Variants in BIRC6 observed in about 807,000 individuals in gnomAD.
The protein encoded by BIRC6 is dual E2 ubiquitin-conjugating enzyme/E3 ubiquitin-protein ligase BIRC6.
BIRC6 carries 98 observed loss-of-function variants against 503.3 expected under a neutral mutation model. The observed-to-expected ratio is 0.19, with a 90% CI of 0.17 to 0.23. The LOEUF is 0.23. BIRC6 is among the 10% of genes least tolerant of loss of function. The pLI, the probability that BIRC6 is intolerant of heterozygous loss-of-function variation, is 1.00. For synonymous variants in BIRC6, 2,240 were observed against 2,078.7 expected (o/e 1.08, Z -2.11); for missense variants, 5,360 against 5,806.0 (o/e 0.92, Z 2.50).
At chr2:32,412,445 T>C (rs2041985329) in intron 9 of BIRC6, among the ~76,000 whole-genome samples, 1 of 151,740 alleles carries the variant, frequency 6.6e-6, no homozygotes, top group Admixed American at 6.6e-5. Context: ...TGCAATGAGC[T>C]GAGATTATGC....
At chr2:32,462,176 T>C (rs1311965072) in intron 23 of BIRC6, among the ~76,000 whole-genome samples, 2 of 152,160 alleles carry the variant, frequency 1.3e-5, no homozygotes, top group Non-Finnish European at 2.9e-5. Flanking sequence ...GCTATTCTTA[T>C]AGCAGTTATC....
intron 22 of BIRC6, among the ~76,000 whole-genome samples, chr2:32,451,349 A>C (rs1480884978): frequency 3.3e-5 from 5 of 152,130 alleles, no homozygotes. Flanking sequence ...ATAGACCCCC[A>C]AAGGGTTCCT....
chr2:32,460,358 T>C (rs112525105), intron 23 of BIRC6, among the ~76,000 whole-genome samples: 4,790 of 137,992 alleles, frequency 0.035, 128 homozygotes, highest in African/African-American at 0.076. Flanking sequence ...CTCACTGCAA[T>C]CTCCGCCTCC....
intron 66 of BIRC6, among the ~76,000 whole-genome samples, chr2:32,583,199 G>T (rs74598677): frequency 1.3e-5 from 2 of 152,168 alleles, no homozygotes; most frequent in Non-Finnish European, 2.9e-5. Context: ...TGGCAGCTAG[G>T]GGTGTTTAAT....
intron 5 of BIRC6, among the ~76,000 whole-genome samples, chr2:32,392,993 C>T (rs1037115298): frequency 6.6e-6 from 1 of 152,002 alleles, no homozygotes; most frequent in Non-Finnish European, 1.5e-5. Context: ...TGGTTTCTGA[C>T]AAGTATTCTC....
intron 22 of BIRC6, among the ~76,000 whole-genome samples, chr2:32,451,264 T>C (rs2046695775): frequency 6.6e-6 from 1 of 152,242 alleles, no homozygotes; most frequent in Admixed American, 6.5e-5. Context: ...TTTGGCTCTC[T>C]TTTCCTTGCC....
At chr2:32,395,639 A>AAAT in intron 6 of BIRC6, 46 bp downstream of exon 6, 10 of 1,464,220 alleles carry the variant, frequency 6.8e-6, no homozygotes, top group Non-Finnish European at 9.5e-6. Context: ...TCAGTCGTGT[A>AAAT]AATAATGCTT....
chr2:32,568,261 C>T (rs1279820693), intron 65 of BIRC6, among the ~76,000 whole-genome samples: 2 of 149,474 alleles, frequency 1.3e-5, no homozygotes, highest in East Asian at 3.9e-4. Context: ...GAGGCCAAGG[C>T]AGGTAGATTG....
Position 32,463,185 on chromosome 2 carries a change from T to G in BIRC6, c.4754-9T>G. On this transcript the variant is annotated splice_polypyrimidine_tract_variant and intron_variant, in intron 23 of 73. Coordinates refer to ENST00000421745, the MANE Select transcript of BIRC6 (RefSeq NM_016252.4). Reference sequence around the variant, plus strand: ...TTTGTTTTTGTTTTTACCCCTTGTCTTATGCCAGTGAGTTCCTTCGGGGTT... The same window carrying G: ...TTTGTTTTTGTTTTTACCCCTTGTCGTATGCCAGTGAGTTCCTTCGGGGTT... 6.3e-7 allele frequency: 1 copy of G among 1,599,300 alleles called. No homozygotes were observed. The highest frequency in any genetic ancestry group is 8.5e-7 in the Non-Finnish European group (1 of 1,174,694).
rs530564513 is a variant in BIRC6 at position 32,560,601 on chromosome 2, A to G, written c.13144+11120A>G. Among the ~76,000 whole-genome samples, 222 of 151,970 alleles carry G rather than the reference A, an allele frequency of 1.5e-3. 1 individual carries two copies. The highest frequency in any genetic ancestry group is 2.5e-3 in the Non-Finnish European group (167 of 67,976). Reference sequence around the variant, plus strand: ...ATATATTTTTTCTTTTTTCTTCTTCAGTCATAGTCTTCTCTGCCACCCGGG... The same window carrying G: ...ATATATTTTTTCTTTTTTCTTCTTCGGTCATAGTCTTCTCTGCCACCCGGG... On this transcript the variant is annotated intron_variant, in intron 65 of 73. Coordinates refer to ENST00000421745, the MANE Select transcript of BIRC6 (RefSeq NM_016252.4).
At chr2:32,470,434 G>A in intron 31 of BIRC6, 133 bp downstream of exon 31, 1 of 895,676 alleles carries the variant, frequency 1.1e-6, no homozygotes, top group East Asian at 3.0e-5. Flanking sequence ...AAGCTTTTAA[G>A]AATGAGCAAC....
Position 32,467,561 on chromosome 2 carries a change from C to T in BIRC6, c.5393C>T (p.Pro1798Leu). ...TTTGTGACCTTGGATTTTGGGAGGCCTATATTGTTGACTGATGTATTGATT... is the reference window on the plus strand; with the variant it reads ...TTTGTGACCTTGGATTTTGGGAGGCTTATATTGTTGACTGATGTATTGATT... ...RRFVTLDFGR[P>L]ILLTDVLIPT... The change falls in exon 27 of 74, where the codon CCT becomes CTT. Residue 1798 changes from proline (P) to leucine (L), a missense_variant. Pro to Leu is a moderately conservative substitution (Grantham distance 98). This residue lies in a region of BIRC6 where 2,299 missense variants were observed against 2,267.2 expected (regional missense o/e 1.01). Coordinates refer to ENST00000421745, the MANE Select transcript of BIRC6 (RefSeq NM_016252.4). 1 of 1,613,832 alleles carries T rather than the reference C, an allele frequency of 6.2e-7. No individual in the cohort carries two copies. The highest frequency in any genetic ancestry group is 8.5e-7 in the Non-Finnish European group (1 of 1,179,836).
intron 10 of BIRC6, among the ~76,000 whole-genome samples, chr2:32,416,876 G>C (rs993116135): frequency 6.1e-5 from 8 of 130,950 alleles, no homozygotes; most frequent in African/African-American, 2.3e-4. Flanking sequence ...CATTCTTGTT[G>C]CCCAAGCTGA....
At chr2:32,358,038 T>TG (rs575364820) in intron 1 of BIRC6, among the ~76,000 whole-genome samples, 63,829 of 91,342 alleles carry the variant, frequency 0.7, 19,618 homozygotes, top group East Asian at 0.78. Context: ...GGGGTGGGGG[T>TG]GGGGTGGGGG....
chr2:32,492,296 C>T (rs558871594), intron 44 of BIRC6, among the ~76,000 whole-genome samples: 5 of 152,182 alleles, frequency 3.3e-5, no homozygotes, highest in African/African-American at 1.2e-4. Context: ...AGGTACTAGA[C>T]ATACAGTATT....
Position 32,390,257 on chromosome 2 carries a change from G to A in BIRC6, c.839+1314G>A, listed in dbSNP as rs534866155. On this transcript the variant is annotated intron_variant, in intron 4 of 73. Transcript: ENST00000421745. ...ATGATCTTGGCTCACTGCGAGCTCC[G>A]CCTCCCATGTTCATGCCATTCTCCT... is the stretch of plus-strand genomic sequence containing the variant. 3.7e-4 allele frequency among the ~76,000 whole-genome samples: 57 copies of A among 152,110 alleles called. No homozygotes were observed. The Middle Eastern group carries it at 0.014, about 37-fold the overall frequency.
intron 24 of BIRC6, 80 bp from the exon 25 acceptor site, chr2:32,464,429 A>G: frequency 7.2e-7 from 1 of 1,391,150 alleles, no homozygotes; most frequent in Non-Finnish European, 9.5e-7. Flanking sequence ...TTATCTTCAT[A>G]ATATATGTCC....
At chr2:32,568,688 A>G (rs1036550129) in intron 65 of BIRC6, among the ~76,000 whole-genome samples, 1 of 151,384 alleles carries the variant, frequency 6.6e-6, no homozygotes, top group Non-Finnish European at 1.5e-5. Flanking sequence ...GACCAAAAAT[A>G]CAAAAATTAG....
intron 4 of BIRC6, among the ~76,000 whole-genome samples, chr2:32,391,504 G>A (rs1392578717): frequency 1.3e-5 from 2 of 152,300 alleles, no homozygotes; most frequent in Admixed American, 6.5e-5. Context: ...ATACAACTAC[G>A]AGTAAACCTA....
Sources: allele counts gnomAD v4.1 joint callset (sites outside exome capture counted in the v4.1 genomes callset), GRCh38; gene constraint gnomAD v4.1.1; regional missense constraint gnomAD v4.1.1; transcripts MANE v1.5; gene names NCBI Gene and HGNC (gene_info 2026-07-23, HGNC 2026-07-21).